The following IMMP2L variants were observed in gnomAD, a reference collection of about 807,000 sequenced individuals.
The protein encoded by IMMP2L is inner mitochondrial membrane peptidase subunit 2.
A neutral mutation model predicts 19.3 loss-of-function variants in IMMP2L; 18 were observed. That is an observed-to-expected ratio of 0.93 (90% CI 0.64 to 1.38). The LOEUF is 1.38. Ranked by LOEUF, IMMP2L falls within the 40% of genes most tolerant of loss-of-function variation. The pLI is 0.00. For missense variants in IMMP2L, 233 were observed against 218.2 expected (o/e 1.07, Z -0.43); for synonymous variants, 76 against 73.0 (o/e 1.04, Z -0.21).
chr7:111,304,329 G>C (rs925197597), intron 3 of IMMP2L, among the ~76,000 whole-genome samples: 1 of 152,058 alleles, frequency 6.6e-6, no homozygotes, highest in African/African-American at 2.4e-5. Context: ...ACAGAAAGAG[G>C]TTTTTCCTAT....
intron 5 of IMMP2L, among the ~76,000 whole-genome samples, chr7:110,844,302 G>A (rs1805417828): frequency 6.6e-6 from 1 of 151,946 alleles, no homozygotes; most frequent in African/African-American, 2.4e-5. Flanking sequence ...TGTATTTAGA[G>A]GCATGTACAA....
At chr7:111,346,934 A>G (rs1827623676) in intron 3 of IMMP2L, among the ~76,000 whole-genome samples, 1 of 152,024 alleles carries the variant, frequency 6.6e-6, no homozygotes, top group South Asian at 2.1e-4. Flanking sequence ...CACCTAACTC[A>G]TAGAGATGCT....
At chr7:111,316,636 A>C (rs1263997231) in intron 3 of IMMP2L, among the ~76,000 whole-genome samples, 2 of 152,014 alleles carry the variant, frequency 1.3e-5, no homozygotes, top group Non-Finnish European at 2.9e-5. Context: ...AAATTTTTTA[A>C]AAAGTAAAGG....
At chr7:110,937,648 G>A (rs781540927) in intron 4 of IMMP2L, among the ~76,000 whole-genome samples, 9 of 152,164 alleles carry the variant, frequency 5.9e-5, no homozygotes, top group Non-Finnish European at 1.3e-4. Context: ...AAGAATGGGA[G>A]TAGGAGAAAG....
chr7:111,296,381 T>C (rs1202817487), intron 3 of IMMP2L, among the ~76,000 whole-genome samples: 2 of 151,836 alleles, frequency 1.3e-5, no homozygotes, highest in Non-Finnish European at 2.9e-5. Flanking sequence ...AAACAGACAT[T>C]TCGCCAGAGA....
intron 5 of IMMP2L, among the ~76,000 whole-genome samples, chr7:110,682,777 A>G (rs1320623875): frequency 6.6e-6 from 1 of 152,086 alleles, no homozygotes; most frequent in Admixed American, 6.6e-5. Flanking sequence ...AGTAGAACTT[A>G]GAGATTCAGG....
intron 3 of IMMP2L, among the ~76,000 whole-genome samples, chr7:111,382,577 T>A (rs190394418): frequency 6.6e-6 from 1 of 152,088 alleles, no homozygotes; most frequent in Admixed American, 6.6e-5. Context: ...TGGGGTATTG[T>A]CATTTTTTAT....
intron 1 of IMMP2L, among the ~76,000 whole-genome samples, chr7:111,550,610 C>G (rs1337388761): frequency 6.6e-6 from 1 of 152,034 alleles, no homozygotes; most frequent in African/African-American, 2.4e-5. Flanking sequence ...AACCAAAAGA[C>G]CCTAAAAAAA....
At chr7:111,232,373 GTTT>G (rs373241535) in intron 3 of IMMP2L, among the ~76,000 whole-genome samples, 1 of 133,184 alleles carries the variant, frequency 7.5e-6, no homozygotes. Context: ...ATTTTGGAGG[GTTT>G]TTTTTTTTTT....
intron 3 of IMMP2L, among the ~76,000 whole-genome samples, chr7:111,362,676 CAT>C (rs1829373886): frequency 6.6e-6 from 1 of 152,170 alleles, no homozygotes; most frequent in Middle Eastern, 3.4e-3. Context: ...AATTAGAAAC[CAT>C]ATGAGTTGCA....
intron 5 of IMMP2L, among the ~76,000 whole-genome samples, chr7:110,825,608 T>A (rs1406980863): frequency 1.3e-5 from 2 of 152,184 alleles, no homozygotes; most frequent in Non-Finnish European, 2.9e-5. Context: ...ATTTAATAAA[T>A]GGTGCTAGGA....
chr7:111,353,538 T>G (rs1226048408), intron 3 of IMMP2L, among the ~76,000 whole-genome samples: 1 of 152,144 alleles, frequency 6.6e-6, no homozygotes, highest in Non-Finnish European at 1.5e-5. Flanking sequence ...CACTATCTTG[T>G]GTGTCAAGAT....
intron 3 of IMMP2L, among the ~76,000 whole-genome samples, chr7:111,234,574 T>A (rs369678624): frequency 6.6e-6 from 1 of 152,122 alleles, no homozygotes; most frequent in Non-Finnish European, 1.5e-5. Flanking sequence ...ACAATCATGA[T>A]TGGATTTGAA....
At position 111,528,038 on chromosome 7, in the gene IMMP2L, T is replaced by A. The variant is rs115487012; in HGVS notation, c.-2-6589A>T. 3.7e-3 allele frequency among the ~76,000 whole-genome samples: 566 copies of A among 152,302 alleles called. 5 individuals are homozygous for A. Among genetic ancestry groups the A allele is most frequent in the African/African-American group, 0.013 (527 of 41,552 alleles). On this transcript the variant is annotated intron_variant, in intron 1 of 5. Coordinates refer to ENST00000405709, the MANE Select transcript of IMMP2L (RefSeq NM_032549.4). ...ATAATAAAACACTGTTAAAAGCTTC[T>A]ATCATGTAAATACTAAAGAAGCCAT...
intron 5 of IMMP2L, among the ~76,000 whole-genome samples, chr7:110,774,776 G>A (rs1799266953): frequency 6.6e-6 from 1 of 151,986 alleles, no homozygotes. Context: ...TACCATCTAG[G>A]TTTGTGTACA....
intron 3 of IMMP2L, among the ~76,000 whole-genome samples, chr7:111,443,230 T>C (rs1050508061): frequency 1.3e-5 from 2 of 151,946 alleles, no homozygotes; most frequent in Non-Finnish European, 2.9e-5. Context: ...CTACATGATA[T>C]ATCAGAGACA....
At chr7:110,738,930 A>G (rs1487213634) in intron 5 of IMMP2L, among the ~76,000 whole-genome samples, 1 of 152,206 alleles carries the variant, frequency 6.6e-6, no homozygotes, top group Non-Finnish European at 1.5e-5. Context: ...AAACAAAACA[A>G]TTATCGCCAA....
At chr7:111,185,043 G>T (rs1808117083) in intron 3 of IMMP2L, among the ~76,000 whole-genome samples, 1 of 152,088 alleles carries the variant, frequency 6.6e-6, no homozygotes, top group African/African-American at 2.4e-5. Flanking sequence ...TACCTTTGTT[G>T]CTGATCTGTA....
In IMMP2L at chr7:110,950,858, A is replaced by ATATATG. The variant is rs1554470741; in HGVS notation, c.305+12641_305+12642insCATATA. 4.8e-3 allele frequency among the ~76,000 whole-genome samples: 655 copies of ATATATG among 136,294 alleles called. 14 individuals carry two copies. Among genetic ancestry groups the ATATATG allele is most frequent in the South Asian group, 0.023 (94 of 4,134 alleles). The allele number at this position is 136,294 out of a possible 152,430, so 89.4% of individuals were successfully genotyped here. A position where few individuals can be genotyped will look rare whatever the true frequency, so the allele number is the denominator to read the frequency against. Reference sequence around the variant, plus strand: ...AAATGTGGCATATATATATATATATATATATATATATATGTATATATATGC... The same window carrying ATATATG: ...AAATGTGGCATATATATATATATATATATATGTATATATATATATGTATATATATGC... On this transcript the variant is annotated intron_variant, in intron 4 of 5. Coordinates refer to ENST00000405709, the MANE Select transcript of IMMP2L (RefSeq NM_032549.4).
Sources: allele counts gnomAD v4.1 joint callset (sites outside exome capture counted in the v4.1 genomes callset), GRCh38; gene constraint gnomAD v4.1.1; transcripts MANE v1.5; gene names NCBI Gene and HGNC (gene_info 2026-07-23, HGNC 2026-07-21).